The following ZNF536 variants were observed in gnomAD, a reference collection of about 807,000 sequenced individuals.
The protein encoded by ZNF536 is zinc finger protein 536.
A neutral mutation model predicts 84.5 loss-of-function variants in ZNF536; 13 were observed. The ratio of observed to expected loss-of-function variants is 0.15; its 90% CI spans 0.10 to 0.24. The LOEUF is 0.24. Among genes scored for constraint, ZNF536 ranks in the 10% least tolerant of loss-of-function variants. The pLI, the probability that ZNF536 is intolerant of heterozygous loss-of-function variation, is 1.00. For missense variants in ZNF536, 1,536 were observed against 1,747.5 expected (o/e 0.88, Z 2.16); for synonymous variants, 811 against 742.5 (o/e 1.09, Z -1.50).
At chr19:30,352,514 T>G (rs1226893412) in intron 3 of ZNF536, 1 of 152,252 alleles carries the variant, frequency 6.6e-6, no homozygotes, top group Non-Finnish European at 1.5e-5. Flanking sequence ...AACTCCTTCT[T>G]CTTCCCAGAC....
rs563103231 is a variant in ZNF536, at chr19:30,647,927, GAA to G, written c.170-62829_170-62828del. Among the ~76,000 whole-genome samples, 8 of 152,314 alleles carry G rather than the reference GAA, an allele frequency of 5.3e-5. No homozygotes were observed. The South Asian group carries it at 1.7e-3, about 32-fold the overall frequency. Reference sequence around the variant, plus strand: ...CCATCTCCGGGTTTTAGGGAGTTGTGAAGTTTCCCACGTGTCGCTTTGGAAAT... The same window carrying G: ...CCATCTCCGGGTTTTAGGGAGTTGTGGTTTCCCACGTGTCGCTTTGGAAAT... On this transcript the variant is annotated intron_variant, in intron 1 of 1. Coordinates refer to the ZNF536 transcript ENST00000592773.
At chr19:30,432,087 C>A (rs1390023484) in intron 1 of ZNF536, among the ~76,000 whole-genome samples, 4 of 151,530 alleles carry the variant, frequency 2.6e-5, no homozygotes, top group Admixed American at 6.6e-5. Context: ...TGTTGCTTTC[C>A]TTGGTGGGGT....
intron 1 of ZNF536, among the ~76,000 whole-genome samples, chr19:30,406,043 G>C (rs184071490): frequency 5.8e-4 from 89 of 152,288 alleles, no homozygotes; most frequent in African/African-American, 2.0e-3. Flanking sequence ...TCCCAAAGTG[G>C]TGGGATTACA....
chr19:30,516,881 G>A lies in ZNF536; in HGVS notation c.2171-17966G>A, dbSNP rs144283571. ...AGAAACGCTTGAAAGGCAGGGAGGAGAAGGTCGGGCCTTCTAAACTTGGAG... is the reference window on the plus strand; with the variant it reads ...AGAAACGCTTGAAAGGCAGGGAGGAAAAGGTCGGGCCTTCTAAACTTGGAG... On this transcript the variant is annotated intron_variant, in intron 2 of 4. Transcript: ENST00000355537. Among the ~76,000 whole-genome samples the A allele has an allele frequency of 1.3e-3, 205 of 152,308 alleles. 3 individuals are homozygous for A. The highest frequency in any genetic ancestry group is 4.6e-3 in the African/African-American group (190 of 41,564).
intron 1 of ZNF536, among the ~76,000 whole-genome samples, chr19:30,234,837 G>A (rs566516765): frequency 1.5e-4 from 23 of 152,136 alleles, no homozygotes; most frequent in African/African-American, 5.3e-4. Flanking sequence ...ACCTAAAATC[G>A]AGATTAATCA....
chr19:30,342,710 T>G (rs1274278146), intron 2 of ZNF536, among the ~76,000 whole-genome samples: 1 of 152,154 alleles, frequency 6.6e-6, no homozygotes, highest in Admixed American at 6.5e-5. Context: ...TGAATCCTTA[T>G]GAAAATAAAA....
chr19:30,670,005 C>T (rs2050482191), intron 1 of ZNF536, among the ~76,000 whole-genome samples: 1 of 152,186 alleles, frequency 6.6e-6, no homozygotes, highest in South Asian at 2.1e-4. Flanking sequence ...CCTGCATCTG[C>T]CTCTCTCCAA....
At chr19:30,526,953 C>CT (rs2066496946) in intron 2 of ZNF536, among the ~76,000 whole-genome samples, 1 of 151,904 alleles carries the variant, frequency 6.6e-6, no homozygotes, top group African/African-American at 2.4e-5. Flanking sequence ...GATTTTCACT[C>CT]TGTCACCCAG....
At chr19:30,477,144 A>G (rs1054494319) in intron 2 of ZNF536, among the ~76,000 whole-genome samples, 4 of 152,114 alleles carry the variant, frequency 2.6e-5, no homozygotes, top group African/African-American at 9.7e-5. Flanking sequence ...CACCCATCCA[A>G]TGTCAAAGCT....
At chr19:30,709,080 T>C (rs1013697925) in intron 1 of ZNF536, among the ~76,000 whole-genome samples, 1 of 152,064 alleles carries the variant, frequency 6.6e-6, no homozygotes, top group Non-Finnish European at 1.5e-5. Context: ...CAGAATAACT[T>C]CCCCAGCCAG....
At chr19:30,455,367 T>C (rs1204420270) in intron 2 of ZNF536, among the ~76,000 whole-genome samples, 2 of 152,186 alleles carry the variant, frequency 1.3e-5, no homozygotes, top group East Asian at 3.8e-4. Flanking sequence ...TCATATAATG[T>C]GTAAAGATCG....
At chr19:30,313,345 A>G (rs1346948117) in intron 2 of ZNF536, among the ~76,000 whole-genome samples, 2 of 152,136 alleles carry the variant, frequency 1.3e-5, no homozygotes, top group Admixed American at 6.5e-5. Flanking sequence ...CTTAAGTGGT[A>G]AGAACCCCTA....
intron 1 of ZNF536, among the ~76,000 whole-genome samples, chr19:30,242,877 C>T (rs189998704): frequency 2.1e-4 from 32 of 152,104 alleles, no homozygotes; most frequent in Admixed American, 7.2e-4. Context: ...GAAATATGTC[C>T]TGGCTGTTTG....
rs1015969968 is a variant in ZNF536 at position 30,565,399 on chromosome 19, G to A, written c.169+15885G>A. On this transcript the variant is annotated intron_variant, in intron 1 of 1. Transcript: ENST00000592773. Reference sequence around the variant, plus strand: ...CCGGACTTGTTCCGAGCCTTGCCCCGGTGGGGGCCCACCCTCCTGTGAAGC... The same window carrying A: ...CCGGACTTGTTCCGAGCCTTGCCCCAGTGGGGGCCCACCCTCCTGTGAAGC... Among the ~76,000 whole-genome samples, 7 of 152,122 alleles carry A rather than the reference G, an allele frequency of 4.6e-5. No homozygotes were observed. In the South Asian group the frequency reaches 6.2e-4, roughly 14 times the overall value.
chr19:30,537,542 G>A (rs537084635), intron 3 of ZNF536, among the ~76,000 whole-genome samples: 5 of 152,236 alleles, frequency 3.3e-5, no homozygotes, highest in African/African-American at 7.2e-5. Context: ...GCCTCTCAAC[G>A]AGGGGCTCCA....
chr19:30,639,426 A>G (rs1375134322), intron 1 of ZNF536, among the ~76,000 whole-genome samples: 1 of 152,174 alleles, frequency 6.6e-6, no homozygotes, highest in Non-Finnish European at 1.5e-5. Flanking sequence ...AAATCCAGTG[A>G]GTGTTTTACC....
At chr19:30,334,898 C>T (rs764308253) in intron 2 of ZNF536, among the ~76,000 whole-genome samples, 2 of 152,194 alleles carry the variant, frequency 1.3e-5, no homozygotes, top group Non-Finnish European at 2.9e-5. Context: ...GCGCAGTTCA[C>T]AAGGGGGTCT....
At chr19:30,386,794 T>C (rs1016807290) in intron 1 of ZNF536, among the ~76,000 whole-genome samples, 3 of 152,234 alleles carry the variant, frequency 2.0e-5, no homozygotes, top group East Asian at 1.9e-4. Context: ...AGGTATTTAT[T>C]TGTGGCTTTC....
downstream of ZNF536, among the ~76,000 whole-genome samples, chr19:30,561,741 C>G (rs1288434908): frequency 6.6e-6 from 1 of 152,194 alleles, no homozygotes; most frequent in African/African-American, 2.4e-5. Context: ...CTTTTCCTCT[C>G]CCAGCAGCTG....
Sources: allele counts gnomAD v4.1 joint callset (sites outside exome capture counted in the v4.1 genomes callset), GRCh38; gene constraint gnomAD v4.1.1; transcripts MANE v1.5; gene names NCBI Gene and HGNC (gene_info 2026-07-23, HGNC 2026-07-21).